The following MAP3K7CL variants were observed in gnomAD, a reference collection of about 807,000 sequenced individuals.
MAP3K7CL encodes MAP3K7 C-terminal-like protein.
In MAP3K7CL, 16 loss-of-function variants were observed where a neutral mutation model predicts 18.6. The ratio of observed to expected loss-of-function variants is 0.86; its 90% CI spans 0.58 to 1.31. The LOEUF is 1.31. Ranked by LOEUF, MAP3K7CL falls within the 50% of genes most tolerant of loss-of-function variation. The probability of loss-of-function intolerance (pLI) is 0.00; values close to 1 mark genes in which losing one functional copy is unlikely to be tolerated. For missense variants in MAP3K7CL, 163 were observed against 174.4 expected, an observed-to-expected ratio of 0.93 and a Z score of 0.37; for synonymous variants, 65 against 66.8, an observed-to-expected ratio of 0.97 and a Z score of 0.13.
chr21:29,170,020 A>G (rs1252385680), intron 4 of MAP3K7CL, among the ~76,000 whole-genome samples: 1 of 152,250 alleles, frequency 6.6e-6, no homozygotes, highest in African/African-American at 2.4e-5. Context: ...AGGAAACGAT[A>G]CAAATAGAAC....
At chr21:29,136,481 C>A (rs2086888455) in intron 2 of MAP3K7CL, among the ~76,000 whole-genome samples, 1 of 152,072 alleles carries the variant, frequency 6.6e-6, no homozygotes, top group African/African-American at 2.4e-5. Flanking sequence ...AAGGAAACAT[C>A]TTTGCTTGTG....
chr21:29,155,014 C>G (rs1286660198), intron 3 of MAP3K7CL, among the ~76,000 whole-genome samples: 1 of 152,114 alleles, frequency 6.6e-6, no homozygotes, highest in African/African-American at 2.4e-5. Flanking sequence ...ATACTTTACT[C>G]CAGTGTAACA....
At chr21:29,174,606 G>A in intron 4 of MAP3K7CL, 106 bp from the exon 5 acceptor site, 1 of 1,387,806 alleles carries the variant, frequency 7.2e-7, no homozygotes, top group Non-Finnish European at 9.8e-7. Context: ...AAAAAATTCA[G>A]AACAGCAGAA....
intron 4 of MAP3K7CL, among the ~76,000 whole-genome samples, chr21:29,097,924 T>C (rs1263897446): frequency 6.6e-6 from 1 of 152,148 alleles, no homozygotes; most frequent in Non-Finnish European, 1.5e-5. Context: ...TTCTATAAAC[T>C]GTTGTGTCTG....
At chr21:29,158,917 CT>C (rs36003464) in intron 3 of MAP3K7CL, among the ~76,000 whole-genome samples, 7,821 of 100,074 alleles carry the variant, frequency 0.078, 78 homozygotes, top group South Asian at 0.14. Flanking sequence ...AAAAGTAGTA[CT>C]TTTTTTTTTT....
upstream of MAP3K7CL, among the ~76,000 whole-genome samples, chr21:29,127,519 C>T (rs1049503546): frequency 6.6e-5 from 10 of 152,150 alleles, no homozygotes; most frequent in South Asian, 4.1e-4. Flanking sequence ...AGAAATACAT[C>T]ATTGCTCATA....
At chr21:29,112,497 A>T (rs2086435908) in intron 4 of MAP3K7CL, among the ~76,000 whole-genome samples, 1 of 151,984 alleles carries the variant, frequency 6.6e-6, no homozygotes, top group Non-Finnish European at 1.5e-5. Context: ...TTAATGATTG[A>T]TGTATTAGAT....
chr21:29,158,073 A>G (rs577849320), intron 3 of MAP3K7CL, among the ~76,000 whole-genome samples: 26 of 139,136 alleles, frequency 1.9e-4, no homozygotes, highest in Non-Finnish European at 2.9e-4. Flanking sequence ...TGATGTGTAG[A>G]GTCTTAGGGC....
At chr21:29,102,219 G>A (rs2086241896) in intron 4 of MAP3K7CL, among the ~76,000 whole-genome samples, 1 of 152,202 alleles carries the variant, frequency 6.6e-6, no homozygotes, top group South Asian at 2.1e-4. Flanking sequence ...TTGGATTTCA[G>A]TCACTTCTCA....
chr21:29,148,843 C>G (rs967953302), intron 2 of MAP3K7CL, among the ~76,000 whole-genome samples: 2 of 152,202 alleles, frequency 1.3e-5, no homozygotes, highest in Non-Finnish European at 2.9e-5. Flanking sequence ...TTCTGGCCAC[C>G]TCATTAGCAC....
At chr21:29,106,308 C>T (rs186253505) in intron 4 of MAP3K7CL, among the ~76,000 whole-genome samples, 39 of 152,182 alleles carry the variant, frequency 2.6e-4, no homozygotes, top group Non-Finnish European at 4.4e-4. Flanking sequence ...CTCAGCCTCC[C>T]GAGTAGCTGG....
upstream of MAP3K7CL, among the ~76,000 whole-genome samples, chr21:29,125,908 C>G (rs2086673230): frequency 6.6e-6 from 1 of 152,202 alleles, no homozygotes; most frequent in African/African-American, 2.4e-5. Context: ...CACATGCAGT[C>G]TCATGAACCA....
intron 4 of MAP3K7CL, among the ~76,000 whole-genome samples, chr21:29,162,188 G>GGT (rs1381395319): frequency 2.0e-5 from 3 of 151,696 alleles, no homozygotes; most frequent in South Asian, 2.1e-4. Context: ...TGTATCTTCT[G>GGT]GTGTGTGTGT....
At chr21:29,124,700 G>A (rs2086654869) in intron 4 of MAP3K7CL, among the ~76,000 whole-genome samples, 1 of 152,144 alleles carries the variant, frequency 6.6e-6, no homozygotes, top group Non-Finnish European at 1.5e-5. Context: ...TAAAATATTT[G>A]ACAAATATCA....
intron 4 of MAP3K7CL, among the ~76,000 whole-genome samples, chr21:29,169,184 A>G (rs74892221): frequency 0.019 from 2,835 of 152,324 alleles, 91 homozygotes; most frequent in African/African-American, 0.064. Context: ...CCTGGCCCAC[A>G]ATGTCAGTTG....
chr21:29,087,152 C>T (rs1838569183), intron 1 of MAP3K7CL, among the ~76,000 whole-genome samples: 1 of 152,164 alleles, frequency 6.6e-6, no homozygotes, highest in Non-Finnish European at 1.5e-5. Context: ...TCTGCCTGGA[C>T]CTCTCTTCTC....
intron 4 of MAP3K7CL, among the ~76,000 whole-genome samples, chr21:29,170,935 G>A (rs1337686936): frequency 1.0e-5 from 1 of 96,512 alleles, no homozygotes; most frequent in Non-Finnish European, 1.8e-5. Flanking sequence ...CTCTGTGCCT[G>A]CCTCTTTTTT....
intron 4 of MAP3K7CL, among the ~76,000 whole-genome samples, chr21:29,173,815 C>T (rs891135479): frequency 6.6e-6 from 1 of 152,164 alleles, no homozygotes; most frequent in Non-Finnish European, 1.5e-5. Flanking sequence ...GATCCTCCTG[C>T]CACAGCCTCC....
At chr21:29,091,328 G>A (rs79182116) in intron 1 of MAP3K7CL, among the ~76,000 whole-genome samples, 168 of 152,240 alleles carry the variant, frequency 1.1e-3, no homozygotes, top group African/African-American at 3.8e-3. Flanking sequence ...AGAGACTGTC[G>A]TTTACAGTTT....
Sources: allele counts gnomAD v4.1 joint callset (sites outside exome capture counted in the v4.1 genomes callset), GRCh38; gene constraint gnomAD v4.1.1; transcripts MANE v1.5; gene names NCBI Gene and HGNC (gene_info 2026-07-23, HGNC 2026-07-21).